The following CAGE1 variants were observed in gnomAD, a reference collection of about 807,000 sequenced individuals.
CAGE1 encodes the protein cancer-associated gene 1 protein.
In CAGE1, 66 loss-of-function variants were observed where a neutral mutation model predicts 94.9. That is an observed-to-expected ratio of 0.70 (90% CI 0.57 to 0.85). The LOEUF (loss-of-function observed/expected upper bound fraction) is 0.85, where lower values mean the gene tolerates loss of function less well. CAGE1 is among the 40% of genes least tolerant of loss of function. The probability of loss-of-function intolerance (pLI) is 0.00; values close to 1 mark genes in which losing one functional copy is unlikely to be tolerated. For missense variants in CAGE1, 865 were observed against 950.4 expected (o/e 0.91, Z 1.18); for synonymous variants, 319 against 321.0 (o/e 0.99, Z 0.07).
At chr6:7,361,159 T>G (rs1408748) in intron 9 of CAGE1, among the ~76,000 whole-genome samples, 34,323 of 152,050 alleles carry the variant, frequency 0.23, 4,010 homozygotes, top group Non-Finnish European at 0.25. Flanking sequence ...ATTCATGTGA[T>G]GAAAATATAC....
Position 7,373,366 on chromosome 6 carries a change from A to G in CAGE1, c.1453T>C (p.Leu485=), listed in dbSNP as rs373407949. 1 of 1,613,692 alleles carries G rather than the reference A, an allele frequency of 6.2e-7. No individual in the cohort carries two copies. The highest frequency in any genetic ancestry group is 8.5e-7 in the Non-Finnish European group (1 of 1,179,784). The part of the protein sequence containing the change: ...REKEAQEQEF[L]SLQEEFQKLE... ...TTCTGGAATTCCTCCTGTAAAGACA[A>G]GAACTCTTGTTCTTGGGCCTCTTTT... The change falls in exon 5 of 14, where the codon TTG becomes CTG. Residue 485 remains leucine (L), a synonymous_variant. Transcript: ENST00000502583.
chr6:7,386,154 A>T (rs1029394061), intron 2 of CAGE1, among the ~76,000 whole-genome samples: 1 of 152,218 alleles, frequency 6.6e-6, no homozygotes, highest in Admixed American at 6.5e-5. Context: ...GATACGTGAT[A>T]GCATATTTAT....
chr6:7,366,590 C>T (rs1760345186), intron 7 of CAGE1, among the ~76,000 whole-genome samples: 1 of 152,188 alleles, frequency 6.6e-6, no homozygotes, highest in African/African-American at 2.4e-5. Context: ...CACTGGGTCT[C>T]TAAGAAGCCT....
chr6:7,371,866 T>A (rs2113448934), intron 5 of CAGE1, among the ~76,000 whole-genome samples: 1 of 152,280 alleles, frequency 6.6e-6, no homozygotes, highest in East Asian at 1.9e-4. Flanking sequence ...TTCTAAGTAA[T>A]CATTTAATAA....
chr6:7,364,529 C>T (rs1049203788), intron 9 of CAGE1, among the ~76,000 whole-genome samples: 3 of 152,114 alleles, frequency 2.0e-5, no homozygotes, highest in African/African-American at 7.2e-5. Flanking sequence ...AGTGTAGTAG[C>T]GTGATCTCAG....
At chr6:7,345,512 A>C (rs776958265) in intron 11 of CAGE1, among the ~76,000 whole-genome samples, 2 of 152,136 alleles carry the variant, frequency 1.3e-5, no homozygotes, top group African/African-American at 4.8e-5. Context: ...CAGCAAGATC[A>C]CTCTGGCTGC....
chr6:7,374,713 G>A (rs554365962), intron 4 of CAGE1, among the ~76,000 whole-genome samples: 10 of 152,228 alleles, frequency 6.6e-5, no homozygotes, highest in African/African-American at 2.4e-4. Flanking sequence ...TTATGCTGCC[G>A]ATAGAGGTCT....
At chr6:7,333,638 C>CTATATATA (rs1257307194) in intron 12 of CAGE1, among the ~76,000 whole-genome samples, 36 of 32,640 alleles carry the variant, frequency 1.1e-3, no homozygotes, top group Non-Finnish European at 1.6e-3. Flanking sequence ...ATCTATCTAA[C>CTATATATA]TATCTATATA....
chr6:7,338,299 GTGAATGTACT>G (rs1759038080), intron 11 of CAGE1, among the ~76,000 whole-genome samples: 1 of 152,090 alleles, frequency 6.6e-6, no homozygotes, highest in Non-Finnish European at 1.5e-5. Context: ...CCAGTACAAT[GTGAATGTACT>G]GGAATGTCTT....
Position 7,387,197 on chromosome 6 carries a change from C to T in CAGE1, c.-23-1G>A, listed in dbSNP as rs1761151117. The T allele has an allele frequency of 6.7e-7, 1 of 1,488,726 alleles. No homozygotes were observed. Among genetic ancestry groups the T allele is most frequent in the Non-Finnish European group, 9.0e-7 (1 of 1,112,330 alleles). 92.2% of individuals were successfully genotyped at this position (1,488,726 alleles called of 1,614,324 possible). A position where few individuals can be genotyped will look rare whatever the true frequency, so the allele number is the denominator to read the frequency against. On this transcript the variant is annotated splice_acceptor_variant, in intron 1 of 13. Transcript: ENST00000502583. LOFTEE classifies it low-confidence loss of function (5UTR_SPLICE). ...ATAACTGTTGAACAATAGAAGACTT[C>T]TTTAAAAAAAAAATGTGTCTATTAG...
At chr6:7,345,369 A>G (rs1280627929) in intron 11 of CAGE1, among the ~76,000 whole-genome samples, 1 of 138,586 alleles carries the variant, frequency 7.2e-6, no homozygotes, top group Non-Finnish European at 1.6e-5. Context: ...ACATCAGAAC[A>G]TCAGAAGGAA....
At chr6:7,345,357 A>G (rs1179805989) in intron 11 of CAGE1, among the ~76,000 whole-genome samples, 2 of 139,690 alleles carry the variant, frequency 1.4e-5, no homozygotes, top group Non-Finnish European at 3.2e-5. Flanking sequence ...GAAACTCTGA[A>G]CACATCAGAA....
chr6:7,370,161 T>A (rs967374182), intron 5 of CAGE1, 96 bp from the exon 6 acceptor site: 2 of 850,488 alleles, frequency 2.4e-6, no homozygotes, highest in Admixed American at 7.0e-5. Context: ...CTTAAAAACC[T>A]TGGGCGACAG....
At chr6:7,328,464 G>A (rs1316603251) in intron 13 of CAGE1, among the ~76,000 whole-genome samples, 3 of 152,100 alleles carry the variant, frequency 2.0e-5, no homozygotes, top group African/African-American at 7.2e-5. Context: ...TTGTGAGGTG[G>A]GAACTGAGTA....
At chr6:7,386,319 C>T (rs928060138) in intron 2 of CAGE1, among the ~76,000 whole-genome samples, 1 of 152,180 alleles carries the variant, frequency 6.6e-6, no homozygotes. Flanking sequence ...CACTGACTAT[C>T]AAACGTTTAG....
At chr6:7,342,391 C>T (rs538170145) in intron 11 of CAGE1, among the ~76,000 whole-genome samples, 1 of 152,356 alleles carries the variant, frequency 6.6e-6, no homozygotes, top group South Asian at 2.1e-4. Flanking sequence ...AGTACTCCCT[C>T]ATGGTCTACC....
chr6:7,379,152 T>C (rs1760854568), intron 3 of CAGE1, 132 bp from the exon 4 acceptor site: 1 of 579,012 alleles, frequency 1.7e-6, no homozygotes, highest in Middle Eastern at 4.9e-4. Flanking sequence ...CCTTATTTAC[T>C]GTGTGAATTT....
intron 11 of CAGE1, among the ~76,000 whole-genome samples, chr6:7,351,211 A>G (rs2113398452): frequency 6.6e-6 from 1 of 152,284 alleles, no homozygotes. Flanking sequence ...GAGATGGATA[A>G]ATTCCTGGAA....
chr6:7,341,802 C>G, intron 11 of CAGE1: 1 of 681,502 alleles, frequency 1.5e-6, no homozygotes, highest in Non-Finnish European at 2.8e-6. Context: ...TTAGAACAAC[C>G]ACATTTTCTG....
Sources: gnomAD v4.1 joint callset for allele counts (sites outside exome capture counted in the v4.1 genomes callset) on GRCh38, gnomAD v4.1.1 for gene constraint, MANE v1.5 for transcripts, NCBI Gene and HGNC (gene_info 2026-07-23, HGNC 2026-07-21) for gene names.